Variants in SAMM50 observed in about 807,000 individuals in gnomAD.
SAMM50 encodes the protein SAMM50 sorting and assembly machinery component.
In SAMM50, 47 loss-of-function variants were observed where a neutral mutation model predicts 66.9. The observed-to-expected ratio is 0.70, with a 90% confidence interval of 0.56 to 0.90. The LOEUF (loss-of-function observed/expected upper bound fraction) is 0.90. Ranked by LOEUF, SAMM50 falls within the 40% of genes least tolerant of loss-of-function variation. The pLI is 0.00. For synonymous variants in SAMM50, 191 were observed against 214.1 expected, an observed-to-expected ratio of 0.89 and a Z score of 0.94; for missense variants, 535 against 595.3, an observed-to-expected ratio of 0.90 and a Z score of 1.05.
intron 12 of SAMM50, chr22:43,988,562 G>T (rs917237547): frequency 6.6e-6 from 1 of 152,212 alleles, no homozygotes; most frequent in Admixed American, 6.5e-5. Context: ...AAATCCAAGC[G>T]GTCATGAACC....
intron 7 of SAMM50, chr22:43,975,075 A>G (rs73434655): frequency 0.06 from 9,190 of 152,248 alleles, 300 homozygotes; most frequent in Middle Eastern, 0.095. Flanking sequence ...CTTCTAAGGA[A>G]TGAAGAAATG....
At chr22:43,980,379 T>C (rs2050259067) in intron 10 of SAMM50, among the ~76,000 whole-genome samples, 1 of 147,740 alleles carries the variant, frequency 6.8e-6, no homozygotes, top group Non-Finnish European at 1.5e-5. Context: ...AAAGCAGAAT[T>C]AAGGGGTAGA....
intron 1 of SAMM50, chr22:43,957,389 T>TA: frequency 2.3e-6 from 1 of 435,224 alleles, no homozygotes; most frequent in Non-Finnish European, 4.2e-6. Context: ...TTTGTGCTCT[T>TA]GAAAAAAAAA....
At chr22:43,978,561 C>T (rs1248138845) in intron 10 of SAMM50, among the ~76,000 whole-genome samples, 1 of 151,848 alleles carries the variant, frequency 6.6e-6, no homozygotes, top group African/African-American at 2.4e-5. Context: ...GTGTCTCCTG[C>T]CCTTGAAATG....
intron 14 of SAMM50, among the ~76,000 whole-genome samples, chr22:43,995,902 G>A (rs1186111581): frequency 2.0e-5 from 3 of 152,126 alleles, no homozygotes; most frequent in East Asian, 1.9e-4. Flanking sequence ...GGGTACTGCT[G>A]GTTTCCTAAG....
At chr22:43,976,935 C>A in intron 9 of SAMM50, 114 bp downstream of exon 9, 1 of 660,614 alleles carries the variant, frequency 1.5e-6, no homozygotes. Context: ...ACAGAGTAAT[C>A]GCACATGCAG....
chr22:43,965,230 G>A (rs1052131334), intron 3 of SAMM50, among the ~76,000 whole-genome samples: 1 of 149,946 alleles, frequency 6.7e-6, no homozygotes, highest in African/African-American at 2.5e-5. Context: ...TTTTTAGATA[G>A]GGTCTTGCTC....
At chr22:43,978,845 C>T (rs779111717) in intron 10 of SAMM50, among the ~76,000 whole-genome samples, 26 of 152,240 alleles carry the variant, frequency 1.7e-4, no homozygotes, top group Middle Eastern at 6.8e-3. Flanking sequence ...ACCTTAAAAC[C>T]TGGGGGCAAG....
chr22:43,968,355 T>G (rs1466277326), intron 3 of SAMM50, among the ~76,000 whole-genome samples: 1 of 144,780 alleles, frequency 6.9e-6, no homozygotes, highest in African/African-American at 2.6e-5. Context: ...AAAAAAAAAA[T>G]GAAAAGGTGT....
At chr22:43,973,403 A>T in intron 7 of SAMM50, 80 bp downstream of exon 7, 7 of 848,298 alleles carry the variant, frequency 8.3e-6, no homozygotes, top group Non-Finnish European at 1.2e-5. Flanking sequence ...AGGCAGCAAG[A>T]GGGCAGCGTG....
In SAMM50 at chr22:43,955,497, G is replaced by A; in HGVS notation, c.-81G>A. On this transcript the variant is annotated 5_prime_UTR_variant, in exon 1 of 15. Transcript: ENST00000350028. ...TGCCTTGACCTGCAGCTCCGCCACC[G>A]CGGACCCGCCTTCTGCCCTCAGCAG... 4.6e-6 allele frequency: 7 copies of A among 1,519,428 alleles called. No homozygotes were observed. Among genetic ancestry groups the A allele is most frequent in the Non-Finnish European group, 6.3e-6 (7 of 1,119,066 alleles). 94.1% of individuals were successfully genotyped at this position (1,519,428 alleles called of 1,614,324 possible).
At chr22:43,982,654 G>C (rs2050270588) in intron 11 of SAMM50, among the ~76,000 whole-genome samples, 1 of 151,910 alleles carries the variant, frequency 6.6e-6, no homozygotes, top group African/African-American at 2.4e-5. Context: ...TATGTTTTTT[G>C]AGACAGAGTC....
intron 14 of SAMM50, among the ~76,000 whole-genome samples, chr22:43,993,074 C>T (rs1242489036): frequency 1.3e-5 from 2 of 152,238 alleles, no homozygotes; most frequent in African/African-American, 4.8e-5. Context: ...GGCTCCCTGG[C>T]CTAACAGCCA....
chr22:43,962,777 T>C (rs2050152890), intron 1 of SAMM50, among the ~76,000 whole-genome samples: 1 of 152,054 alleles, frequency 6.6e-6, no homozygotes, highest in South Asian at 2.1e-4. Context: ...TATTTTTAAA[T>C]GATTTTTTAA....
At chr22:43,966,966 C>T (rs2050176729) in intron 3 of SAMM50, among the ~76,000 whole-genome samples, 1 of 152,114 alleles carries the variant, frequency 6.6e-6, no homozygotes. Context: ...TGCACCTGTC[C>T]TGCTTTGTTA....
chr22:43,973,471 C>T (rs1473513061), intron 7 of SAMM50, 148 bp downstream of exon 7: 5 of 600,440 alleles, frequency 8.3e-6, no homozygotes, highest in Non-Finnish European at 1.5e-5. Flanking sequence ...TGCCTCTTCT[C>T]TAGCCGAGTA....
chr22:43,963,236 T>A (rs767435544), intron 1 of SAMM50, 50 bp from the exon 2 acceptor site: 5 of 1,112,756 alleles, frequency 4.5e-6, no homozygotes, highest in Non-Finnish European at 6.6e-6. Context: ...GGTAAGTGTG[T>A]GTATATATGT....
chr22:43,955,926 A>G (rs1293584109), intron 1 of SAMM50, among the ~76,000 whole-genome samples: 1 of 152,146 alleles, frequency 6.6e-6, no homozygotes, highest in Non-Finnish European at 1.5e-5. Context: ...TTCTCTCTTT[A>G]CTGGTCACTT....
At position 43,964,569 on chromosome 22, in the gene SAMM50, A is replaced by G. The variant is rs1383193582; in HGVS notation, c.234+16A>G. On this transcript the variant is annotated intron_variant, in intron 3 of 14. Transcript: ENST00000350028. ...CCTAATTGAGGTAGGTGTGGTCTCT[A>G]CATGGTGTGCTTTCCCAGTCTCTTC... The G allele has an allele frequency of 7.4e-7, 1 of 1,355,776 alleles. No homozygotes were observed. The highest frequency in any genetic ancestry group is 1.1e-6 in the Non-Finnish European group (1 of 945,968). The allele number at this position is 1,355,776 out of a possible 1,614,324, so 84.0% of individuals were successfully genotyped here. A position where few individuals can be genotyped will look rare whatever the true frequency, so the allele number is the denominator to read the frequency against.
Sources: gnomAD v4.1 joint callset for allele counts (sites outside exome capture counted in the v4.1 genomes callset) on GRCh38, gnomAD v4.1.1 for gene constraint, MANE v1.5 for transcripts, NCBI Gene and HGNC (gene_info 2026-07-23, HGNC 2026-07-21) for gene names.